Variants in SLC24A3 observed in about 807,000 individuals in gnomAD.
The protein encoded by SLC24A3 is sodium/potassium/calcium exchanger 3.
A neutral mutation model predicts 75.8 loss-of-function variants in SLC24A3; 28 were observed. The observed-to-expected ratio is 0.37, with a 90% CI of 0.27 to 0.51. SLC24A3 has a LOEUF of 0.51. Ranked by LOEUF, SLC24A3 falls within the 20% of genes least tolerant of loss-of-function variation. The probability of loss-of-function intolerance (pLI) is 0.94; values close to 1 mark genes in which losing one functional copy is unlikely to be tolerated. For missense variants in SLC24A3, 663 were observed against 847.8 expected (o/e 0.78, Z 2.71); for synonymous variants, 372 against 334.1 (o/e 1.11, Z -1.24).
intron 2 of SLC24A3, among the ~76,000 whole-genome samples, chr20:19,407,731 C>T (rs1986673308): frequency 1.3e-5 from 2 of 152,180 alleles, no homozygotes; most frequent in South Asian, 2.1e-4. Context: ...CCATTCTCCA[C>T]CATATTGATG....
intron 9 of SLC24A3, among the ~76,000 whole-genome samples, chr20:19,679,663 A>G (rs566498008): frequency 3.1e-4 from 47 of 152,372 alleles, no homozygotes; most frequent in African/African-American, 1.1e-3. Context: ...TAACCACATT[A>G]TCGTCATACG....
Position 19,212,720 on chromosome 20 carries a change from T to G in SLC24A3, c.-123T>G, listed in dbSNP as rs2122928434. On this transcript the variant is annotated 5_prime_UTR_variant, in exon 1 of 17. Coordinates refer to ENST00000328041, the MANE Select transcript of SLC24A3 (RefSeq NM_020689.4). ...AGAGGAGGCGGAGGCGGCGGCCGGGTGGGAGCGCAGCGAGGACGCGCGGCT... is the reference window on the plus strand; with the variant it reads ...AGAGGAGGCGGAGGCGGCGGCCGGGGGGGAGCGCAGCGAGGACGCGCGGCT... 1.3e-6 allele frequency: 1 copy of G among 763,584 alleles called. No individual in the cohort carries two copies. Among genetic ancestry groups the G allele is most frequent in the Non-Finnish European group, 1.6e-6 (1 of 630,068 alleles). The allele number at this position is 763,584 out of a possible 1,614,324, so 47.3% of individuals were successfully genotyped here.
chr20:19,518,776 G>A (rs937502881), intron 3 of SLC24A3, among the ~76,000 whole-genome samples: 1 of 152,200 alleles, frequency 6.6e-6, no homozygotes, highest in Non-Finnish European at 1.5e-5. Context: ...GGCTTCGCCC[G>A]AAGTGACCCA....
chr20:19,676,322 G>A (rs2032524112), intron 9 of SLC24A3, among the ~76,000 whole-genome samples: 2 of 152,190 alleles, frequency 1.3e-5, no homozygotes, highest in Admixed American at 1.3e-4. Context: ...CTAATGAGGT[G>A]TGTTTCTGCT....
At chr20:19,418,586 AC>A (rs1160284539) in intron 2 of SLC24A3, among the ~76,000 whole-genome samples, 1 of 151,980 alleles carries the variant, frequency 6.6e-6, no homozygotes, top group Non-Finnish European at 1.5e-5. Flanking sequence ...AAAGAAAAAT[AC>A]AAGAAAATAT....
chr20:19,442,563 T>C (rs1987314297), intron 2 of SLC24A3, among the ~76,000 whole-genome samples: 1 of 152,208 alleles, frequency 6.6e-6, no homozygotes, highest in Non-Finnish European at 1.5e-5. Flanking sequence ...GTTGTTTGCG[T>C]ATTGTTGAAT....
intron 2 of SLC24A3, among the ~76,000 whole-genome samples, chr20:19,439,135 C>G (rs891761515): frequency 6.6e-6 from 1 of 152,210 alleles, no homozygotes; most frequent in Non-Finnish European, 1.5e-5. Flanking sequence ...ACTGCCACAT[C>G]TTCCTTGCCC....
intron 2 of SLC24A3, among the ~76,000 whole-genome samples, chr20:19,462,328 C>T (rs1395871963): frequency 6.6e-6 from 1 of 151,622 alleles, no homozygotes; most frequent in Non-Finnish European, 1.5e-5. Context: ...GGCACGATCT[C>T]GGCTCACTGC....
At chr20:19,543,138 T>A (rs2030530126) in intron 3 of SLC24A3, among the ~76,000 whole-genome samples, 1 of 152,182 alleles carries the variant, frequency 6.6e-6, no homozygotes, top group Non-Finnish European at 1.5e-5. Context: ...ACTGTCCCCA[T>A]TATACAGGAG....
chr20:19,505,783 C>T (rs561298824), intron 2 of SLC24A3, among the ~76,000 whole-genome samples: 10 of 152,290 alleles, frequency 6.6e-5, no homozygotes, highest in African/African-American at 2.4e-4. Flanking sequence ...CATATCCAGC[C>T]TGCAGTGCCT....
At chr20:19,641,254 C>G (rs370458123) in intron 6 of SLC24A3, among the ~76,000 whole-genome samples, 6 of 152,176 alleles carry the variant, frequency 3.9e-5, no homozygotes, top group Non-Finnish European at 5.9e-5. Flanking sequence ...TCTGAGATCT[C>G]TGTCCACAGT....
chr20:19,711,034 AGTCTCAC>A, intron 15 of SLC24A3, among the ~76,000 whole-genome samples: 7 of 151,674 alleles, frequency 4.6e-5, no homozygotes, highest in South Asian at 2.1e-4. Context: ...ATGCACATGC[AGTCTCAC>A]TGCCTCCCAG....
At chr20:19,688,125 C>A (rs1054110125) in intron 12 of SLC24A3, among the ~76,000 whole-genome samples, 1 of 152,180 alleles carries the variant, frequency 6.6e-6, no homozygotes, top group Non-Finnish European at 1.5e-5. Context: ...TCTCTAGCAG[C>A]CCTTCTCACC....
At chr20:19,374,949 C>A (rs1236744321) in intron 2 of SLC24A3, among the ~76,000 whole-genome samples, 5 of 152,184 alleles carry the variant, frequency 3.3e-5, no homozygotes, top group Admixed American at 6.5e-5. Context: ...TCCCTTACCC[C>A]TTGGGCAAGG....
At position 19,419,549 on chromosome 20, in the gene SLC24A3, G is replaced by A. The variant is rs137862915; in HGVS notation, c.272-95939G>A. On this transcript the variant is annotated intron_variant, in intron 2 of 16. Transcript: ENST00000328041. ...TCCTGAATCTCTGCCCAGAAGAAATGTTGGAGGTTTAACCCAGCTGTCCAT... is the reference window on the plus strand; with the variant it reads ...TCCTGAATCTCTGCCCAGAAGAAATATTGGAGGTTTAACCCAGCTGTCCAT... 2.4e-3 allele frequency among the ~76,000 whole-genome samples: 363 copies of A among 152,274 alleles called. 1 individual carries two copies. The highest frequency in any genetic ancestry group is 8.4e-3 in the African/African-American group (351 of 41,550).
chr20:19,464,158 G>T (rs1015726426), intron 2 of SLC24A3, among the ~76,000 whole-genome samples: 1 of 152,168 alleles, frequency 6.6e-6, no homozygotes, highest in African/African-American at 2.4e-5. Context: ...CAGCCTTCTC[G>T]CCAACACTGG....
chr20:19,364,790 G>A lies in SLC24A3; in HGVS notation c.271+83703G>A, dbSNP rs111794116. On this transcript the variant is annotated intron_variant, in intron 2 of 16. Coordinates refer to ENST00000328041, the MANE Select transcript of SLC24A3 (RefSeq NM_020689.4). Reference sequence around the variant, plus strand: ...AACTTTCAAAGTTCACCTTGCCTCAGCATCCCCAGGGCTGGGTTGGGAAAC... The same window carrying A: ...AACTTTCAAAGTTCACCTTGCCTCAACATCCCCAGGGCTGGGTTGGGAAAC... 7.2e-4 allele frequency among the ~76,000 whole-genome samples: 110 copies of A among 152,254 alleles called. No homozygotes were observed. In the South Asian group the frequency reaches 0.011, roughly 15 times the overall value.
chr20:19,438,758 T>A (rs1600230349), intron 2 of SLC24A3, among the ~76,000 whole-genome samples: 1 of 152,066 alleles, frequency 6.6e-6, no homozygotes, highest in East Asian at 1.9e-4. Flanking sequence ...ACATGGCAGG[T>A]AGTATAGACA....
intron 6 of SLC24A3, among the ~76,000 whole-genome samples, chr20:19,639,208 C>T (rs2122695183): frequency 6.6e-6 from 1 of 152,304 alleles, no homozygotes; most frequent in Middle Eastern, 3.4e-3. Flanking sequence ...CAAAGGTTCT[C>T]CAAGGCCCCA....
Sources: gnomAD v4.1 joint callset for allele counts (sites outside exome capture counted in the v4.1 genomes callset) on GRCh38, gnomAD v4.1.1 for gene constraint, MANE v1.5 for transcripts, NCBI Gene and HGNC (gene_info 2026-07-23, HGNC 2026-07-21) for gene names.